TAF4B: variants seen among roughly 807,000 people sequenced by gnomAD.
TAF4B encodes TATA-box binding protein associated factor 4b, also known as transcription initiation factor TFIID subunit 4B.
TAF4B carries 38 observed loss-of-function variants against 86.4 expected under a neutral mutation model. That is an observed-to-expected ratio of 0.44 (90% CI 0.34 to 0.58). The LOEUF is 0.58. Among genes scored for constraint, TAF4B ranks in the 20% least tolerant of loss-of-function variants. TAF4B has a pLI of 0.02. For synonymous variants in TAF4B, 388 were observed against 391.2 expected (o/e 0.99, Z 0.10); for missense variants, 988 against 1,027.6 (o/e 0.96, Z 0.53).
At chr18:26,312,039 A>C (rs755322178) in intron 9 of TAF4B, among the ~76,000 whole-genome samples, 88 of 152,128 alleles carry the variant, frequency 5.8e-4, no homozygotes, top group Admixed American at 9.2e-4. Flanking sequence ...TAGAATCTTG[A>C]GTTGGAAGGC....
At chr18:26,374,288 T>G (rs963168043) in intron 14 of TAF4B, among the ~76,000 whole-genome samples, 1 of 152,176 alleles carries the variant, frequency 6.6e-6, no homozygotes, top group Non-Finnish European at 1.5e-5. Context: ...CTGTCCAGCT[T>G]TAAGATAATT....
At chr18:26,234,974 C>T (rs977704358) in intron 1 of TAF4B, among the ~76,000 whole-genome samples, 1 of 152,166 alleles carries the variant, frequency 6.6e-6, no homozygotes, top group Admixed American at 6.5e-5. Context: ...TGCAACTACC[C>T]GTAAACAGTG....
At chr18:26,328,190 C>T (rs1307571888) in intron 12 of TAF4B, among the ~76,000 whole-genome samples, 1 of 152,138 alleles carries the variant, frequency 6.6e-6, no homozygotes, top group South Asian at 2.1e-4. Context: ...GTGGCTCATG[C>T]CTGTAATCCC....
chr18:26,234,883 A>C (rs974867320), intron 1 of TAF4B, among the ~76,000 whole-genome samples: 6 of 152,180 alleles, frequency 3.9e-5, no homozygotes, highest in African/African-American at 1.4e-4. Flanking sequence ...GTAGTGTGCC[A>C]TTTACATCAT....
At chr18:26,272,293 G>C (rs2056329891) in intron 3 of TAF4B, among the ~76,000 whole-genome samples, 2 of 152,180 alleles carry the variant, frequency 1.3e-5, no homozygotes, top group African/African-American at 4.8e-5. Context: ...GCTGCTATGA[G>C]ACTAATGGCA....
chr18:26,350,791 A>T (rs1448639617), intron 13 of TAF4B, among the ~76,000 whole-genome samples: 1 of 152,234 alleles, frequency 6.6e-6, no homozygotes, highest in African/African-American at 2.4e-5. Context: ...GTCACTAATC[A>T]TCAGAGAAAT....
chr18:26,378,643 C>T (rs1208304993), intron 14 of TAF4B, among the ~76,000 whole-genome samples: 2 of 152,114 alleles, frequency 1.3e-5, no homozygotes, highest in African/African-American at 2.4e-5. Context: ...TTAATTGTAA[C>T]CACTATCCCA....
At chr18:26,338,495 G>T (rs73395950) in intron 13 of TAF4B, among the ~76,000 whole-genome samples, 124,631 of 125,124 alleles carry the variant, frequency 1, 62,069 homozygotes, top group Middle Eastern at 1. Flanking sequence ...TTTTTTTTTG[G>T]GAGACGGAAT....
At chr18:26,229,106 C>T (rs994512756) in intron 1 of TAF4B, among the ~76,000 whole-genome samples, 15 of 152,098 alleles carry the variant, frequency 9.9e-5, no homozygotes, top group Non-Finnish European at 1.8e-4. Flanking sequence ...ATTCAGAGAA[C>T]TTTAGATTCC....
At chr18:26,389,772 A>G in intron 14 of TAF4B, 73 bp from the exon 15 acceptor site, 5 of 1,511,646 alleles carry the variant, frequency 3.3e-6, no homozygotes, top group Non-Finnish European at 4.5e-6. Flanking sequence ...GGGCTCTGAC[A>G]TGCTAGAATT....
intron 11 of TAF4B, among the ~76,000 whole-genome samples, chr18:26,324,708 C>T (rs1394125055): frequency 1.3e-5 from 2 of 152,104 alleles, no homozygotes; most frequent in East Asian, 1.9e-4. Flanking sequence ...CTGATTTTCC[C>T]GAGCTTTCCT....
intron 9 of TAF4B, among the ~76,000 whole-genome samples, chr18:26,308,766 G>T (rs1275061844): frequency 1.3e-5 from 2 of 151,662 alleles, no homozygotes; most frequent in Non-Finnish European, 2.9e-5. Flanking sequence ...CAGCTACTTG[G>T]GAGGCTGGGA....
intron 9 of TAF4B, among the ~76,000 whole-genome samples, chr18:26,307,295 C>T (rs906450231): frequency 6.6e-6 from 1 of 151,954 alleles, no homozygotes; most frequent in Non-Finnish European, 1.5e-5. Context: ...GTGACTTTTT[C>T]TGCTAAGAAG....
chr18:26,272,463 T>C (rs1005565888), intron 3 of TAF4B, among the ~76,000 whole-genome samples: 2 of 152,150 alleles, frequency 1.3e-5, no homozygotes, highest in Admixed American at 6.5e-5. Context: ...GAAAGTGTTA[T>C]GAAGGACAGA....
intron 13 of TAF4B, among the ~76,000 whole-genome samples, chr18:26,354,524 T>C (rs2057270912): frequency 6.6e-6 from 1 of 152,232 alleles, no homozygotes; most frequent in African/African-American, 2.4e-5. Flanking sequence ...CTTGAGTTTT[T>C]TCAGTTAGGC....
intron 1 of TAF4B, 26 bp downstream of exon 1, chr18:26,227,302 TGTC>T: frequency 6.3e-7 from 1 of 1,595,846 alleles, no homozygotes; most frequent in Non-Finnish European, 8.5e-7. Flanking sequence ...TTTCCAGCCT[TGTC>T]TGTCGGTCCA....
intron 7 of TAF4B, among the ~76,000 whole-genome samples, chr18:26,286,984 C>T (rs926226755): frequency 3.3e-5 from 5 of 152,156 alleles, no homozygotes; most frequent in South Asian, 4.1e-4. Context: ...CCACCACGCC[C>T]AGCAGCAAAC....
At chr18:26,356,855 C>G (rs1310771085) in intron 13 of TAF4B, among the ~76,000 whole-genome samples, 1 of 148,822 alleles carries the variant, frequency 6.7e-6, no homozygotes, top group Non-Finnish European at 1.5e-5. Context: ...TGAAATAATG[C>G]AGTTTCTGCC....
At chr18:26,336,788 A>G (rs1387090315) in intron 13 of TAF4B, among the ~76,000 whole-genome samples, 2 of 152,182 alleles carry the variant, frequency 1.3e-5, no homozygotes, top group Admixed American at 1.3e-4. Flanking sequence ...TTCTAATTGC[A>G]TTCCCTTTTT....
Sources: allele counts gnomAD v4.1 joint callset (sites outside exome capture counted in the v4.1 genomes callset), GRCh38; gene constraint gnomAD v4.1.1; transcripts MANE v1.5; gene names NCBI Gene and HGNC (gene_info 2026-07-23, HGNC 2026-07-21).